CEACAM5: variants seen among roughly 807,000 people sequenced by gnomAD.
The protein encoded by CEACAM5 is CEA cell adhesion molecule 5.
A neutral mutation model predicts 63.0 loss-of-function variants in CEACAM5; 52 were observed. That is an observed-to-expected ratio of 0.83 (90% CI 0.66 to 1.04). The LOEUF is 1.04. Ranked by LOEUF, CEACAM5 falls within the 50% of genes least tolerant of loss-of-function variation. The pLI is 0.00. For missense variants in CEACAM5, 790 were observed against 864.8 expected (o/e 0.91, Z 1.08); for synonymous variants, 357 against 351.3 (o/e 1.02, Z -0.18).
chr19:41,721,127 C>T lies in CEACAM5; in HGVS notation c.1977C>T (p.Asn659=). The T allele has an allele frequency of 6.2e-7, 1 of 1,614,230 alleles. No individual in the cohort carries two copies. Among genetic ancestry groups the T allele is most frequent in the Non-Finnish European group, 8.5e-7 (1 of 1,180,044 alleles). ...GGACCTATGCCTGTTTTGTCTCTAA[C>T]TTGGCTACTGGCCGCAATAATTCCA... is the stretch of plus-strand genomic sequence containing the variant. The part of the protein sequence containing the change: ...NNGTYACFVS[N]LATGRNNSIV... Residue 659 remains asparagine (N), a synonymous_variant, in exon 8 of 10, where the codon AAC becomes AAT. Transcript: ENST00000221992.
At chr19:41,718,037 G>C in intron 5 of CEACAM5, 91 bp from the exon 6 acceptor site, 1 of 1,492,620 alleles carries the variant, frequency 6.7e-7, no homozygotes, top group Non-Finnish European at 9.2e-7. Flanking sequence ...TTGTGACTTG[G>C]CTCAGGGGGA....
Position 41,715,021 on chromosome 19 carries a change from G to A in CEACAM5, c.475G>A (p.Asp159Asn). The change falls in exon 3 of 10, where the codon GAC becomes AAC. Residue 159 changes from aspartate (D) to asparagine (N), a missense_variant. Asp to Asn is a conservative substitution (Grantham distance 23). Coordinates refer to ENST00000221992, the MANE Select transcript of CEACAM5 (RefSeq NM_004363.6). ...ISSNNSKPVE[D>N]KDAVAFTCEP... The stretch of plus-strand genomic sequence containing the variant: ...CAGCAACAACTCCAAACCCGTGGAG[G>A]ACAAGGATGCTGTGGCCTTCACCTG... 6.2e-7 allele frequency: 1 copy of A among 1,614,200 alleles called. No homozygotes were observed. Among genetic ancestry groups the A allele is most frequent in the Non-Finnish European group, 8.5e-7 (1 of 1,180,028 alleles).
chr19:41,728,371 C>G (rs2072727392), intron 9 of CEACAM5, among the ~76,000 whole-genome samples: 1 of 152,130 alleles, frequency 6.6e-6, no homozygotes. Flanking sequence ...GAGTGGGACC[C>G]AGGCATTCGT....
chr19:41,711,973 G>T (rs181878014), intron 2 of CEACAM5, among the ~76,000 whole-genome samples: 3 of 152,164 alleles, frequency 2.0e-5, no homozygotes, highest in Non-Finnish European at 4.4e-5. Flanking sequence ...ATGTCAACAG[G>T]TCACCAGGAG....
chr19:41,720,230 G>A (rs1555815917), intron 7 of CEACAM5, 22 bp downstream of exon 7: 3 of 1,606,840 alleles, frequency 1.9e-6, no homozygotes, highest in Non-Finnish European at 8.5e-7. Flanking sequence ...CTGTTCCTCT[G>A]TGGCCCTGGT....
intron 2 of CEACAM5, among the ~76,000 whole-genome samples, chr19:41,710,983 A>G (rs1012920303): frequency 6.6e-6 from 1 of 152,162 alleles, no homozygotes; most frequent in Admixed American, 6.5e-5. Flanking sequence ...CACACAGGCC[A>G]TAGGTGTCAG....
At chr19:41,723,427 A>G (rs1472418443) in intron 8 of CEACAM5, among the ~76,000 whole-genome samples, 3 of 152,086 alleles carry the variant, frequency 2.0e-5, no homozygotes, top group Admixed American at 2.0e-4. Flanking sequence ...TGTTGAGCAT[A>G]TTTGCATGTG....
Position 41,715,633 on chromosome 19 carries a change from T to C in CEACAM5, c.704-17T>C. The C allele has an allele frequency of 6.2e-7, 1 of 1,613,932 alleles. No homozygotes were observed. On this transcript the variant is annotated splice_polypyrimidine_tract_variant and intron_variant, in intron 3 of 9. Transcript: ENST00000221992. ...CCTCTGACAATATCACCTGTGGCTT[T>C]ATTTTGTTTGCTCCAGATGGCCCGG...
At position 41,723,166 on chromosome 19, in the gene CEACAM5, C is replaced by A. The variant is rs574255189; in HGVS notation, c.2026+1990C>A. Among the ~76,000 whole-genome samples, 109 of 152,250 alleles carry A rather than the reference C, an allele frequency of 7.2e-4. 2 individuals carry two copies. The highest frequency in any genetic ancestry group is 2.5e-3 in the African/African-American group (105 of 41,532). Reference sequence around the variant, plus strand: ...TGACCTCGTGATCCGCCTGCCTTGGCCTCCCAAAGTGCTGGGATTACAGGC... The same window carrying A: ...TGACCTCGTGATCCGCCTGCCTTGGACTCCCAAAGTGCTGGGATTACAGGC... On this transcript the variant is annotated intron_variant, in intron 8 of 9. Coordinates refer to ENST00000221992, the MANE Select transcript of CEACAM5 (RefSeq NM_004363.6).
At chr19:41,715,285 A>T (rs1294330567) in intron 3 of CEACAM5, 36 bp downstream of exon 3, 3 of 1,613,956 alleles carry the variant, frequency 1.9e-6, no homozygotes, top group Non-Finnish European at 1.7e-6. Context: ...CCAGGCTGCC[A>T]GCCCAAATCC....
Position 41,729,475 on chromosome 19 carries a change from C to A in CEACAM5, c.*328C>A, listed in dbSNP as rs1001935848. 1 of 151,122 alleles carries A rather than the reference C, an allele frequency of 6.6e-6. No individual in the cohort carries two copies. Among genetic ancestry groups the A allele is most frequent in the African/African-American group, 2.5e-5 (1 of 40,424 alleles). 9.4% of individuals were successfully genotyped at this position (151,122 alleles called of 1,614,324 possible). A position where few individuals can be genotyped will look rare whatever the true frequency, so the allele number is the denominator to read the frequency against. On this transcript the variant is annotated 3_prime_UTR_variant, in exon 10 of 10. Coordinates refer to ENST00000221992, the MANE Select transcript of CEACAM5 (RefSeq NM_004363.6). ...ACTCCAGTCTGGCAACAGAGCAAGA[C>A]TCCATCTCAAAAAGAAAAGAAAAGA...
chr19:41,709,108 C>T lies in CEACAM5; in HGVS notation c.64+313C>T, dbSNP rs529125196. 1.1e-4 allele frequency among the ~76,000 whole-genome samples: 16 copies of T among 152,228 alleles called. No homozygotes were observed. In the East Asian group the frequency reaches 1.2e-3, roughly 11 times the overall value. Reference sequence around the variant, plus strand: ...TGAAACACTGTCCTCATCCGCCTACCGCGGACATTGGAAAATAAGCCCCAG... The same window carrying T: ...TGAAACACTGTCCTCATCCGCCTACTGCGGACATTGGAAAATAAGCCCCAG... On this transcript the variant is annotated intron_variant, in intron 1 of 9. Coordinates refer to ENST00000221992, the MANE Select transcript of CEACAM5 (RefSeq NM_004363.6).
chr19:41,718,195 C>A lies in CEACAM5; in HGVS notation c.1305C>A (p.Leu435=), dbSNP rs782009272. Residue 435 remains leucine, a synonymous_variant, in exon 6 of 10, where the codon CTC becomes CTA. Transcript: ENST00000221992. ...ACCGTCCAGGGGTGAACCTCAGCCT[C>A]TCCTGCCATGCAGCCTCTAACCCAC... ...TYYRPGVNLS[L]SCHAASNPPA... The A allele has an allele frequency of 6.2e-7, 1 of 1,614,248 alleles. No homozygotes were observed. The highest frequency in any genetic ancestry group is 2.2e-5 in the East Asian group (1 of 44,888).
chr19:41,713,064 C>T (rs141238664), intron 2 of CEACAM5, among the ~76,000 whole-genome samples: 2,022 of 152,226 alleles, frequency 0.013, 46 homozygotes, highest in African/African-American at 0.045. Flanking sequence ...CCCAGCACTT[C>T]GGGAGGCCAA....
intron 2 of CEACAM5, 183 bp downstream of exon 2, chr19:41,710,222 C>G (rs1555813852): frequency 3.1e-6 from 3 of 968,694 alleles, no homozygotes; most frequent in African/African-American, 1.6e-5. Context: ...TCCTTTCCGG[C>G]ATCCAGACCC....
At chr19:41,725,573 A>G (rs1204363853) in intron 8 of CEACAM5, among the ~76,000 whole-genome samples, 2 of 151,860 alleles carry the variant, frequency 1.3e-5, no homozygotes, top group African/African-American at 2.4e-5. Context: ...GTGTCTGCCT[A>G]TGTTGCCCAG....
At chr19:41,727,989 C>T (rs1320265740) in intron 9 of CEACAM5, among the ~76,000 whole-genome samples, 1 of 152,180 alleles carries the variant, frequency 6.6e-6, no homozygotes, top group Non-Finnish European at 1.5e-5. Context: ...TGACCTCCTT[C>T]CACTGTCTGC....
chr19:41,725,192 G>A (rs2072681744), intron 8 of CEACAM5, among the ~76,000 whole-genome samples: 1 of 151,864 alleles, frequency 6.6e-6, no homozygotes, highest in East Asian at 1.9e-4. Flanking sequence ...TGCTTTTATT[G>A]GTTCTATCTA....
chr19:41,715,871 A>T lies in CEACAM5; in HGVS notation c.925A>T (p.Asn309Tyr), dbSNP rs782392674. ...AGCCCATAACTCAGACACTGGCCTC[A>T]ATAGGACCACAGTCACGACGATCAC... ...CQAHNSDTGLNRTTVTTITVY... is the reference protein window; with the variant it reads ...CQAHNSDTGLYRTTVTTITVY... Residue 309 changes from asparagine to tyrosine, a missense_variant, in exon 4 of 10, where the codon AAT (asparagine) becomes TAT (tyrosine). Transcript: ENST00000221992. 4 of 1,614,180 alleles carry T rather than the reference A, an allele frequency of 2.5e-6. No homozygotes were observed. The South Asian group carries it at 3.3e-5, about 13-fold the overall frequency.
Sources: allele counts gnomAD v4.1 joint callset (sites outside exome capture counted in the v4.1 genomes callset), GRCh38; gene constraint gnomAD v4.1.1; transcripts MANE v1.5; gene names NCBI Gene and HGNC (gene_info 2026-07-23, HGNC 2026-07-21).